SMIM31: variants seen among roughly 807,000 people sequenced by gnomAD.
SMIM31 encodes small integral membrane protein 31.
chr4:164,757,856 C>T (rs1388205049), intron 1 of SMIM31, among the ~76,000 whole-genome samples: 1 of 152,070 alleles, frequency 6.6e-6, no homozygotes, highest in African/African-American at 2.4e-5. Flanking sequence ...AGTATGAGTC[C>T]TCCTACTTTG....
chr4:164,798,230 A>ATTTTTTTTTTTT (rs70952644), intron 2 of SMIM31, among the ~76,000 whole-genome samples: 1 of 146,948 alleles, frequency 6.8e-6, no homozygotes, highest in African/African-American at 2.5e-5. Flanking sequence ...AATGATTTTT[A>ATTTTTTTTTTTT]TTTTTTTTTT....
Position 164,754,636 on chromosome 4 carries a change from C to T in SMIM31, c.-26+225C>T, listed in dbSNP as rs549409397. On this transcript the variant is annotated intron_variant, in intron 1 of 2. Transcript: ENST00000507311. ...ATTTTCTGTTTTGTAGAACAACTCC[C>T]CCTCAGAATATTTTTCTTCTCTTTT... Among the ~76,000 whole-genome samples, 14 of 149,202 alleles carry T rather than the reference C, an allele frequency of 9.4e-5. No homozygotes were observed. The South Asian group carries it at 1.7e-3, about 18-fold the overall frequency.
chr4:164,765,103 C>G (rs1353509255), intron 1 of SMIM31, among the ~76,000 whole-genome samples: 1 of 152,108 alleles, frequency 6.6e-6, no homozygotes, highest in Non-Finnish European at 1.5e-5. Flanking sequence ...GGAAAGTTCT[C>G]AAGGACAAGA....
At chr4:164,770,152 T>G (rs895156671) in intron 1 of SMIM31, among the ~76,000 whole-genome samples, 2 of 152,136 alleles carry the variant, frequency 1.3e-5, no homozygotes, top group Admixed American at 6.5e-5. Context: ...GTCAAAAAAC[T>G]CACAAAGCTG....
intron 2 of SMIM31, among the ~76,000 whole-genome samples, chr4:164,778,129 T>C (rs1279266228): frequency 6.6e-6 from 1 of 152,228 alleles, no homozygotes; most frequent in East Asian, 1.9e-4. Context: ...GGCTTACGCC[T>C]GTGATCCCAG....
In SMIM31 at chr4:164,757,482, CT is replaced by C. The variant is rs201443024; in HGVS notation, c.-26+3079del. Among the ~76,000 whole-genome samples the C allele has an allele frequency of 1.3e-4, 19 of 149,020 alleles. No individual in the cohort carries two copies. The East Asian group carries it at 2.7e-3, about 21-fold the overall frequency. The stretch of plus-strand genomic sequence containing the variant: ...ATTTCCATGTCCTATCTTAAAAAGT[CT>C]TTTTTTTACCATTAAGTTGTAAAGA... On this transcript the variant is annotated intron_variant, in intron 1 of 2. Transcript: ENST00000507311.
intron 2 of SMIM31, among the ~76,000 whole-genome samples, chr4:164,786,184 T>C (rs1733023542): frequency 6.6e-6 from 1 of 152,210 alleles, no homozygotes; most frequent in South Asian, 2.1e-4. Context: ...GGTTGAAGGA[T>C]GTTTGCTAAG....
Position 164,778,338 on chromosome 4 carries a change from T to A in SMIM31, c.112+7783T>A, listed in dbSNP as rs1041068538. 3.6e-4 allele frequency among the ~76,000 whole-genome samples: 53 copies of A among 147,542 alleles called. 1 individual carries two copies. Among genetic ancestry groups the A allele is most frequent in the Middle Eastern group, 3.5e-3 (1 of 282 alleles). ...CAGGTAAACAGATTAAAAAAAAAAA[T>A]TTTATTTTGCAATGCCACCTCATTC... On this transcript the variant is annotated intron_variant, in intron 2 of 2. Coordinates refer to ENST00000507311, the MANE Select transcript of SMIM31 (RefSeq NM_001352885.1).
chr4:164,775,632 G>A lies in SMIM31; in HGVS notation c.112+5077G>A, dbSNP rs75421473. Among the ~76,000 whole-genome samples the A allele has an allele frequency of 5.0e-3, 754 of 152,252 alleles. 13 individuals carry two copies. The East Asian group carries it at 0.055, about 11-fold the overall frequency. On this transcript the variant is annotated intron_variant, in intron 2 of 2. Transcript: ENST00000507311. ...TCAATCTGCTTACTTGTGCGCACAC[G>A]TTTGTGTGTGTGTCTTTGACAAAAC...
At chr4:164,787,055 A>G (rs1733034318) in intron 2 of SMIM31, among the ~76,000 whole-genome samples, 2 of 152,220 alleles carry the variant, frequency 1.3e-5, no homozygotes, top group Admixed American at 1.3e-4. Context: ...CTTAAGGAAG[A>G]GAAGTGACAT....
At chr4:164,757,417 A>G (rs1166966359) in intron 1 of SMIM31, among the ~76,000 whole-genome samples, 1 of 152,072 alleles carries the variant, frequency 6.6e-6, no homozygotes, top group Non-Finnish European at 1.5e-5. Context: ...CCTTTAAATT[A>G]TGATGAAAAG....
intron 2 of SMIM31, among the ~76,000 whole-genome samples, chr4:164,784,218 T>C (rs147579221): frequency 1.1e-3 from 164 of 152,284 alleles, no homozygotes; most frequent in African/African-American, 3.6e-3. Context: ...ATGTAAAATA[T>C]ATGATTAAGG....
intron 2 of SMIM31, among the ~76,000 whole-genome samples, chr4:164,777,027 G>A (rs183728303): frequency 6.6e-6 from 1 of 152,196 alleles, no homozygotes; most frequent in Non-Finnish European, 1.5e-5. Context: ...GCTGATTTAC[G>A]CAAAAAGATG....
intron 2 of SMIM31, among the ~76,000 whole-genome samples, chr4:164,785,264 C>T (rs913163536): frequency 2.0e-5 from 3 of 151,816 alleles, no homozygotes; most frequent in Non-Finnish European, 4.4e-5. Flanking sequence ...AATCTTGTAA[C>T]ATTTACTAAA....
At chr4:164,795,236 T>C (rs1284750894) in intron 2 of SMIM31, among the ~76,000 whole-genome samples, 1 of 152,174 alleles carries the variant, frequency 6.6e-6, no homozygotes, top group Non-Finnish European at 1.5e-5. Context: ...CTCAGTTTTG[T>C]CCACCTATAA....
At chr4:164,779,785 G>A (rs1732923545) in intron 2 of SMIM31, among the ~76,000 whole-genome samples, 1 of 152,068 alleles carries the variant, frequency 6.6e-6, no homozygotes, top group African/African-American at 2.4e-5. Context: ...ACATATTTAG[G>A]GATATAGAGG....
chr4:164,754,500 T>C lies in SMIM31; in HGVS notation c.-26+89T>C, dbSNP rs192382734. On this transcript the variant is annotated intron_variant, in intron 1 of 2. Coordinates refer to ENST00000507311, the MANE Select transcript of SMIM31 (RefSeq NM_001352885.1). ...TAATTCATATGGACTAGAAATGTAA[T>C]ATTTAACTGCCACAGCTAAGAAATT... 123 of 149,622 alleles carry C rather than the reference T, an allele frequency of 8.2e-4. 3 individuals carry two copies. Among genetic ancestry groups the C allele is most frequent in the Non-Finnish European group, 1.7e-3 (112 of 67,440 alleles). 9.3% of individuals were successfully genotyped at this position (149,622 alleles called of 1,614,324 possible).
At position 164,772,631 on chromosome 4, in the gene SMIM31, T is replaced by C. The variant is rs370194588; in HGVS notation, c.112+2076T>C. On this transcript the variant is annotated intron_variant, in intron 2 of 2. Coordinates refer to ENST00000507311, the MANE Select transcript of SMIM31 (RefSeq NM_001352885.1). ...TCTCGCTCTGTCGCCCAGGCTGGAGTGCAGTGGCGCGATCTCGACTCACTG... is the reference window on the plus strand; with the variant it reads ...TCTCGCTCTGTCGCCCAGGCTGGAGCGCAGTGGCGCGATCTCGACTCACTG... Among the ~76,000 whole-genome samples the C allele has an allele frequency of 5.3e-5, 8 of 150,042 alleles. No individual in the cohort carries two copies. The East Asian group carries it at 1.2e-3, about 22-fold the overall frequency.
intron 2 of SMIM31, among the ~76,000 whole-genome samples, chr4:164,798,230 A>AT (rs70952644): frequency 0.58 from 84,721 of 146,894 alleles, 24,594 homozygotes; most frequent in South Asian, 0.75. Flanking sequence ...AATGATTTTT[A>AT]TTTTTTTTTT....
Sources: allele counts gnomAD v4.1 joint callset (sites outside exome capture counted in the v4.1 genomes callset), GRCh38; gene constraint gnomAD v4.1.1; transcripts MANE v1.5; gene names NCBI Gene and HGNC (gene_info 2026-07-23, HGNC 2026-07-21).